POTEJ: variants seen among roughly 807,000 people sequenced by gnomAD.
POTEJ encodes the protein POTE ankyrin domain family member J, also known as POTE ankyrin domain family, member J.
Under a neutral mutation model 69.0 loss-of-function variants are expected in POTEJ, and 11 were observed. The observed-to-expected ratio is 0.16, with a 90% confidence interval of 0.10 to 0.26. POTEJ has a LOEUF of 0.26. Among genes scored for constraint, POTEJ ranks in the 10% least tolerant of loss-of-function variants. POTEJ has a pLI of 1.00. For synonymous variants in POTEJ, 117 were observed against 381.1 expected (o/e 0.31, Z 8.07); for missense variants, 327 against 1,045.5 (o/e 0.31, Z 9.48).
At chr2:130,636,190 T>C (rs1311176226) in intron 9 of POTEJ, among the ~76,000 whole-genome samples, 2 of 151,702 alleles carry the variant, frequency 1.3e-5, no homozygotes, top group Non-Finnish European at 2.9e-5. Context: ...TTCCTTCAGT[T>C]CTTTATTTAA....
chr2:130,624,545 A>G (rs1185346278), intron 6 of POTEJ, among the ~76,000 whole-genome samples: 10 of 152,012 alleles, frequency 6.6e-5, no homozygotes, highest in African/African-American at 2.4e-4. Flanking sequence ...GGCAGAGTAC[A>G]GGCGGTAATA....
At chr2:130,613,380 GTGTGTATATATATATA>G (rs1685307854) in intron 1 of POTEJ, among the ~76,000 whole-genome samples, 1 of 125,882 alleles carries the variant, frequency 7.9e-6, no homozygotes, top group African/African-American at 3.2e-5. Flanking sequence ...ATGTGTGTGT[GTGTGTATATATATATA>G]TATATATATA....
In POTEJ at chr2:130,611,633, G is replaced by C; in HGVS notation, c.101G>C (p.Cys34Ser). The change falls in exon 1 of 15, where the codon TGC (cysteine) becomes TCC (serine). Residue 34 changes from cysteine to serine, a missense_variant. Cys to Ser is a moderately radical substitution (Grantham distance 112). Transcript: ENST00000409602. The stretch of plus-strand genomic sequence containing the variant: ...AAGTGGTGCCGCCACTGCTTCCCCT[G>C]CTGCAGGGGGAGCGGCAAGAGCAAC... The part of the protein sequence containing the change: ...MGKWCRHCFP[C>S]CRGSGKSNVG... 1 of 1,140,462 alleles carries C rather than the reference G, an allele frequency of 8.8e-7. No homozygotes were observed. Among genetic ancestry groups the C allele is most frequent in the South Asian group, 1.3e-5 (1 of 79,568 alleles). The allele number at this position is 1,140,462 out of a possible 1,614,324, so 70.6% of individuals were successfully genotyped here. A position where few individuals can be genotyped will look rare whatever the true frequency, so the allele number is the denominator to read the frequency against.
At chr2:130,629,532 T>G (rs1282297127) in intron 6 of POTEJ, among the ~76,000 whole-genome samples, 1 of 144,978 alleles carries the variant, frequency 6.9e-6, no homozygotes, top group Non-Finnish European at 1.5e-5. Flanking sequence ...AGGGTCACCA[T>G]GACCTTTCCT....
intron 10 of POTEJ, among the ~76,000 whole-genome samples, chr2:130,643,304 C>T (rs1422323335): frequency 4.4e-5 from 6 of 137,268 alleles, no homozygotes; most frequent in East Asian, 4.0e-4. Flanking sequence ...GAGGGGATCA[C>T]GAGGTCAGGA....
chr2:130,632,226 G>T (rs1443000479), intron 8 of POTEJ, among the ~76,000 whole-genome samples: 1 of 150,804 alleles, frequency 6.6e-6, no homozygotes, highest in Non-Finnish European at 1.5e-5. Flanking sequence ...AAATGAAGGA[G>T]GGCCCTTTTT....
At chr2:130,618,695 G>T (rs1685451957) in intron 3 of POTEJ, among the ~76,000 whole-genome samples, 1 of 131,680 alleles carries the variant, frequency 7.6e-6, no homozygotes, top group Non-Finnish European at 1.6e-5. Flanking sequence ...TTATGTCTCA[G>T]AAACTTAAGG....
At chr2:130,646,977 A>C (rs1213051326) in intron 13 of POTEJ, among the ~76,000 whole-genome samples, 1 of 149,444 alleles carries the variant, frequency 6.7e-6, no homozygotes, top group Non-Finnish European at 1.5e-5. Context: ...AGCATATATA[A>C]TACATGTAAA....
At position 130,637,657 on chromosome 2, in the gene POTEJ, G is replaced by T. The variant is rs570358952; in HGVS notation, c.1299-962G>T. On this transcript the variant is annotated intron_variant, in intron 9 of 14. Transcript: ENST00000409602. ...ACACCAGAGCCAAATAACGTGTGGG[G>T]TGTTGTGTACAAAATATATTGTTAG... 3.3e-5 allele frequency among the ~76,000 whole-genome samples: 5 copies of T among 152,402 alleles called. No homozygotes were observed. The South Asian group carries it at 1.0e-3, about 32-fold the overall frequency.
chr2:130,612,809 C>A (rs1685261377), intron 1 of POTEJ, among the ~76,000 whole-genome samples: 2 of 144,474 alleles, frequency 1.4e-5, no homozygotes, highest in Non-Finnish European at 1.5e-5. Flanking sequence ...CTATTTATCA[C>A]TTTTACATAA....
chr2:130,612,646 C>T (rs1370309138), intron 1 of POTEJ, among the ~76,000 whole-genome samples: 3 of 143,190 alleles, frequency 2.1e-5, no homozygotes. Context: ...GCCTGTAGTC[C>T]CAGCTACTCA....
intron 10 of POTEJ, among the ~76,000 whole-genome samples, chr2:130,639,472 T>C (rs1686254090): frequency 6.6e-6 from 1 of 152,304 alleles, no homozygotes; most frequent in Non-Finnish European, 1.5e-5. Flanking sequence ...GTAATTTTGT[T>C]AGAAGAAGGT....
chr2:130,613,283 TATATAC>T (rs1685290192), intron 1 of POTEJ, among the ~76,000 whole-genome samples: 1 of 100,620 alleles, frequency 9.9e-6, no homozygotes, highest in East Asian at 2.3e-4. Context: ...TACATATGTA[TATATAC>T]ATATATATAC....
intron 10 of POTEJ, among the ~76,000 whole-genome samples, chr2:130,639,955 G>A (rs1465188388): frequency 2.0e-4 from 31 of 152,296 alleles, no homozygotes; most frequent in African/African-American, 7.5e-4. Context: ...TTATTATTTT[G>A]CTGCTTTATT....
intron 1 of POTEJ, among the ~76,000 whole-genome samples, chr2:130,612,903 A>C (rs1427572906): frequency 7.4e-6 from 1 of 135,590 alleles, no homozygotes; most frequent in Non-Finnish European, 1.6e-5. Context: ...TTTTTGTAAC[A>C]GAATGGAAAA....
chr2:130,626,654 G>A (rs1271908224), intron 6 of POTEJ, among the ~76,000 whole-genome samples: 3 of 152,282 alleles, frequency 2.0e-5, no homozygotes, highest in Admixed American at 6.5e-5. Flanking sequence ...ATTGATGGAA[G>A]GTTCTTTACC....
intron 13 of POTEJ, among the ~76,000 whole-genome samples, chr2:130,650,120 T>C (rs1336277680): frequency 1.3e-5 from 2 of 152,286 alleles, no homozygotes; most frequent in Non-Finnish European, 2.9e-5. Flanking sequence ...CTAACGTAAT[T>C]GAGGGAAGTT....
intron 9 of POTEJ, among the ~76,000 whole-genome samples, chr2:130,636,814 C>T (rs148714631): frequency 0.014 from 2,063 of 147,680 alleles, 49 homozygotes; most frequent in African/African-American, 0.047. Context: ...TGACGTAGGT[C>T]GGGCATGGTG....
In POTEJ at chr2:130,633,708, C is replaced by A. The variant is rs190021024; in HGVS notation, c.1298+1052C>A. Reference sequence around the variant, plus strand: ...AGTTATTAAATTTTTATTGTCAGTGCCTGAGTGCTGAAATATTGGACCCTC... The same window carrying A: ...AGTTATTAAATTTTTATTGTCAGTGACTGAGTGCTGAAATATTGGACCCTC... On this transcript the variant is annotated intron_variant, in intron 9 of 14. Transcript: ENST00000409602. Among the ~76,000 whole-genome samples, 805 of 143,802 alleles carry A rather than the reference C, an allele frequency of 5.6e-3. 38 individuals are homozygous for A. Among genetic ancestry groups the A allele is most frequent in the African/African-American group, 0.02 (737 of 36,866 alleles). 94.3% of individuals were successfully genotyped at this position (143,802 alleles called of 152,430 possible).
Sources: gnomAD v4.1 joint callset for allele counts (sites outside exome capture counted in the v4.1 genomes callset) on GRCh38, gnomAD v4.1.1 for gene constraint, MANE v1.5 for transcripts, NCBI Gene and HGNC (gene_info 2026-07-23, HGNC 2026-07-21) for gene names.